The following PLEKHH2 variants were observed in gnomAD, a reference collection of about 807,000 sequenced individuals.
PLEKHH2 encodes the protein pleckstrin homology, MyTH4 and FERM domain containing H2.
In PLEKHH2, 129 loss-of-function variants were observed where a neutral mutation model predicts 187.9. The observed-to-expected ratio is 0.69, with a 90% CI of 0.59 to 0.79. The LOEUF is 0.79. Among genes scored for constraint, PLEKHH2 ranks in the 30% least tolerant of loss-of-function variants. The pLI is 0.00. For synonymous variants in PLEKHH2, 686 were observed against 605.6 expected (o/e 1.13, Z -1.95); for missense variants, 2,076 against 1,751.2 (o/e 1.19, Z -3.31).
Position 43,720,669 on chromosome 2 carries a change from G to T in PLEKHH2, c.2461G>T (p.Val821Leu), listed in dbSNP as rs1461437820. ...GTAATTCATTGAAATATGGTTTCAG[G>T]TAAAACATGGATATTCCAAGAGAGT... ...KPTMKGLLTK[V>L]KHGYSKRVWC... Residue 821 changes from valine (V) to leucine (L), a missense_variant and splice_region_variant, in exon 16 of 30, where the codon GTA becomes TTA. Physicochemically the swap from Val to Leu is conservative, Grantham distance 32 (BLOSUM62 1). Transcript: ENST00000282406. 6.2e-7 allele frequency: 1 copy of T among 1,606,308 alleles called. No homozygotes were observed. The highest frequency in any genetic ancestry group is 8.5e-7 in the Non-Finnish European group (1 of 1,177,880).
chr2:43,753,853 C>G (rs952768486), intron 25 of PLEKHH2, 93 bp downstream of exon 25: 2 of 1,106,478 alleles, frequency 1.8e-6, no homozygotes, highest in African/African-American at 3.3e-5. Context: ...TTCAATAATT[C>G]TTTACATTCG....
chr2:43,675,951 G>C, intron 2 of PLEKHH2: 1 of 1,613,976 alleles, frequency 6.2e-7, no homozygotes, highest in East Asian at 2.2e-5. Context: ...AGACGTATTT[G>C]TAAGCGGTCC....
intron 2 of PLEKHH2, among the ~76,000 whole-genome samples, chr2:43,667,904 G>C (rs147309255): frequency 4.9e-4 from 75 of 152,026 alleles, no homozygotes; most frequent in African/African-American, 1.7e-3. Context: ...AAAAAAAAAC[G>C]CTGAATTGTA....
chr2:43,710,976 G>C (rs1398572059), intron 14 of PLEKHH2: 6 of 1,001,798 alleles, frequency 6.0e-6, no homozygotes, highest in Non-Finnish European at 5.9e-6. Context: ...GAAAATGACA[G>C]TTCTTATATG....
intron 2 of PLEKHH2, among the ~76,000 whole-genome samples, chr2:43,656,844 C>T (rs1184872433): frequency 6.6e-6 from 1 of 152,040 alleles, no homozygotes; most frequent in African/African-American, 2.4e-5. Flanking sequence ...ATGGTAAAAC[C>T]CTGTCTCTAC....
At chr2:43,672,253 G>C (rs936359052) in intron 2 of PLEKHH2, among the ~76,000 whole-genome samples, 1 of 152,076 alleles carries the variant, frequency 6.6e-6, no homozygotes. Flanking sequence ...TTGATAATTT[G>C]TGTCTTTTTT....
chr2:43,681,139 C>T (rs1200051749), intron 3 of PLEKHH2: 1 of 770,570 alleles, frequency 1.3e-6, no homozygotes, highest in Non-Finnish European at 2.2e-6. Flanking sequence ...AAGGAGCCTC[C>T]TGCAACACTC....
intron 3 of PLEKHH2, chr2:43,681,395 A>C: frequency 6.5e-7 from 1 of 1,546,904 alleles, no homozygotes; most frequent in Non-Finnish European, 8.8e-7. Flanking sequence ...GTTCTTGTCG[A>C]CTTTGTTCTT....
At chr2:43,709,905 T>C (rs1004232549) in intron 11 of PLEKHH2, 85 bp from the exon 12 acceptor site, 9 of 1,295,642 alleles carry the variant, frequency 6.9e-6, no homozygotes, top group Non-Finnish European at 9.5e-6. Flanking sequence ...TTAGGAATAA[T>C]TGCATTCTGT....
At chr2:43,675,491 G>A in intron 2 of PLEKHH2, 2 of 1,614,014 alleles carry the variant, frequency 1.2e-6, no homozygotes, top group East Asian at 2.2e-5. Context: ...TGGGGGGTCA[G>A]TCCATTGAAA....
intron 2 of PLEKHH2, among the ~76,000 whole-genome samples, chr2:43,672,868 C>A (rs1667556420): frequency 6.6e-6 from 1 of 152,136 alleles, no homozygotes; most frequent in Admixed American, 6.5e-5. Context: ...TAGATATAGA[C>A]AACTCCTTGT....
chr2:43,748,838 C>A (rs770615495), intron 24 of PLEKHH2, among the ~76,000 whole-genome samples: 12 of 151,970 alleles, frequency 7.9e-5, no homozygotes, highest in Non-Finnish European at 1.6e-4. Context: ...CTTACTGCAA[C>A]CTTTGCCTCC....
chr2:43,745,554 G>A (rs1671743680), intron 23 of PLEKHH2, among the ~76,000 whole-genome samples: 1 of 152,088 alleles, frequency 6.6e-6, no homozygotes, highest in Non-Finnish European at 1.5e-5. Flanking sequence ...CTTCTTCAGT[G>A]ACCAAATCAT....
chr2:43,722,331 C>G (rs1670522053), intron 16 of PLEKHH2, among the ~76,000 whole-genome samples: 1 of 151,370 alleles, frequency 6.6e-6, no homozygotes, highest in Non-Finnish European at 1.5e-5. Flanking sequence ...ACTTACATAA[C>G]TTTTAGAAAA....
chr2:43,692,774 A>T, intron 4 of PLEKHH2, 111 bp downstream of exon 4: 2 of 1,204,282 alleles, frequency 1.7e-6, no homozygotes, highest in Non-Finnish European at 2.4e-6. Context: ...AATATTGCTT[A>T]TTCGGTCAAC....
intron 9 of PLEKHH2, among the ~76,000 whole-genome samples, chr2:43,704,637 T>G (rs1204961815): frequency 8.0e-6 from 1 of 124,246 alleles, no homozygotes. Context: ...CACTCCAGCC[T>G]GGGTGACAGA....
At position 43,754,741 on chromosome 2, in the gene PLEKHH2, G is replaced by A. The variant is rs1672146751; in HGVS notation, c.3795+981G>A. ...GATTCCCCAGGGTCTTTGGCCTATG[G>A]CTCTTCACGCTACACTCTGTCCCAG... On this transcript the variant is annotated intron_variant, in intron 25 of 29. Transcript: ENST00000282406. Among the ~76,000 whole-genome samples, 6 of 152,140 alleles carry A rather than the reference G, an allele frequency of 3.9e-5. No homozygotes were observed. The South Asian group carries it at 1.2e-3, about 32-fold the overall frequency.
At position 43,718,495 on chromosome 2, in the gene PLEKHH2, G is replaced by A. The variant is rs1028553311; in HGVS notation, c.2461-2174G>A. Among the ~76,000 whole-genome samples, 16 of 150,940 alleles carry A rather than the reference G, an allele frequency of 1.1e-4. No individual in the cohort carries two copies. In the East Asian group the frequency reaches 1.6e-3, roughly 15 times the overall value. ...GGAGGTTGCAGTGAGCTGAGATGGC[G>A]CCACTGCACTCCAGCCTGGGTGGCA... On this transcript the variant is annotated intron_variant, in intron 15 of 29. Transcript: ENST00000282406.
chr2:43,713,535 A>G (rs188346919), intron 15 of PLEKHH2, among the ~76,000 whole-genome samples: 7 of 152,260 alleles, frequency 4.6e-5, no homozygotes, highest in Non-Finnish European at 7.4e-5. Context: ...TTGTTAGGTA[A>G]TAAGTAGAGT....
Sources: gnomAD v4.1 joint callset for allele counts (sites outside exome capture counted in the v4.1 genomes callset) on GRCh38, gnomAD v4.1.1 for gene constraint, MANE v1.5 for transcripts, NCBI Gene and HGNC (gene_info 2026-07-23, HGNC 2026-07-21) for gene names.